Variants in SGCZ observed in about 807,000 individuals in gnomAD.
The protein encoded by SGCZ is sarcoglycan zeta, also known as zeta-sarcoglycan.
In SGCZ, 40 loss-of-function variants were observed where a neutral mutation model predicts 41.3. The observed-to-expected ratio is 0.97, with a 90% CI of 0.75 to 1.26. The LOEUF (loss-of-function observed/expected upper bound fraction) is 1.26. Among genes scored for constraint, SGCZ ranks in the 50% most tolerant of loss-of-function variants. The pLI is 0.00. For synonymous variants in SGCZ, 206 were observed against 137.5 expected (o/e 1.50, Z -3.49); for missense variants, 552 against 369.8 (o/e 1.49, Z -4.04).
chr8:14,501,861 C>T (rs1252152597), intron 2 of SGCZ, among the ~76,000 whole-genome samples: 1 of 151,826 alleles, frequency 6.6e-6, no homozygotes, highest in African/African-American at 2.4e-5. Context: ...TTTTAATATA[C>T]ATTTGCCAAT....
rs376090105 is a variant in SGCZ at position 15,069,120 on chromosome 8, T to G, written c.39+168465A>C. On this transcript the variant is annotated intron_variant, in intron 1 of 7. Transcript: ENST00000382080. ...TTAATAATCAAAGTCTTTATTCTTT[T>G]TACCTAAATTCAATGGATAGATTTT... Among the ~76,000 whole-genome samples, 51 of 152,356 alleles carry G rather than the reference T, an allele frequency of 3.3e-4. No individual in the cohort carries two copies. The South Asian group carries it at 0.011, about 32-fold the overall frequency.
chr8:14,418,247 A>G (rs997814420), intron 2 of SGCZ, among the ~76,000 whole-genome samples: 2 of 151,990 alleles, frequency 1.3e-5, no homozygotes, highest in South Asian at 4.1e-4. Context: ...GACTTGGGCT[A>G]TTAGAAGTTC....
intron 3 of SGCZ, among the ~76,000 whole-genome samples, chr8:14,245,213 T>A (rs184646121): frequency 1.3e-5 from 2 of 152,290 alleles, no homozygotes; most frequent in South Asian, 4.1e-4. Context: ...CCATTCAGTA[T>A]GATATTGACT....
chr8:15,050,450 T>C (rs1400706645), intron 1 of SGCZ, among the ~76,000 whole-genome samples: 1 of 152,148 alleles, frequency 6.6e-6, no homozygotes, highest in Non-Finnish European at 1.5e-5. Context: ...AGCTTAGGCA[T>C]AGGATCTATT....
At chr8:14,122,957 T>C (rs1029458235) in intron 5 of SGCZ, among the ~76,000 whole-genome samples, 1 of 152,172 alleles carries the variant, frequency 6.6e-6, no homozygotes, top group South Asian at 2.1e-4. Flanking sequence ...TAAATAGAAG[T>C]ATGTTGTAAT....
At chr8:14,327,812 C>A (rs532010673) in intron 2 of SGCZ, among the ~76,000 whole-genome samples, 6 of 152,286 alleles carry the variant, frequency 3.9e-5, no homozygotes, top group Middle Eastern at 3.4e-3. Context: ...GATGGAGTCT[C>A]GCTCTTTCGC....
chr8:14,513,754 T>C (rs922459944), intron 2 of SGCZ, among the ~76,000 whole-genome samples: 1 of 152,144 alleles, frequency 6.6e-6, no homozygotes, highest in Admixed American at 6.6e-5. Flanking sequence ...TCTTCTTGTT[T>C]GGCAACGTAT....
At chr8:14,235,921 G>T (rs1165853839) in intron 4 of SGCZ, among the ~76,000 whole-genome samples, 1 of 152,176 alleles carries the variant, frequency 6.6e-6, no homozygotes, top group Non-Finnish European at 1.5e-5. Context: ...TTGACCTCAT[G>T]ATCCGCCCGC....
intron 1 of SGCZ, among the ~76,000 whole-genome samples, chr8:15,095,060 T>G (rs900531402): frequency 6.6e-6 from 1 of 152,208 alleles, no homozygotes; most frequent in African/African-American, 2.4e-5. Flanking sequence ...AAAATTTTAA[T>G]GCTTCTATGT....
intron 1 of SGCZ, among the ~76,000 whole-genome samples, chr8:15,195,405 G>A (rs983403691): frequency 6.6e-6 from 1 of 152,168 alleles, no homozygotes; most frequent in Non-Finnish European, 1.5e-5. Flanking sequence ...TGCTGGCTCT[G>A]TTGATGCAGG....
chr8:14,959,737 G>A (rs144016933), intron 1 of SGCZ, among the ~76,000 whole-genome samples: 74 of 152,222 alleles, frequency 4.9e-4, no homozygotes, highest in African/African-American at 1.7e-3. Flanking sequence ...AATCGTTCAC[G>A]CTTTAATTCT....
intron 1 of SGCZ, among the ~76,000 whole-genome samples, chr8:14,982,426 C>A (rs891154512): frequency 1.3e-5 from 2 of 152,116 alleles, no homozygotes; most frequent in East Asian, 3.9e-4. Flanking sequence ...AATGAGATAA[C>A]ATATTTCTCA....
At chr8:15,232,641 A>G (rs1008819766) in intron 1 of SGCZ, among the ~76,000 whole-genome samples, 1 of 147,702 alleles carries the variant, frequency 6.8e-6, no homozygotes, top group Non-Finnish European at 1.5e-5. Flanking sequence ...ATGGGTATAT[A>G]TGTGTGTGTA....
At chr8:15,169,762 T>C (rs953917073) in intron 1 of SGCZ, among the ~76,000 whole-genome samples, 4 of 152,172 alleles carry the variant, frequency 2.6e-5, no homozygotes, top group Admixed American at 6.5e-5. Flanking sequence ...CAATTCCTTT[T>C]AGAAAGGTAC....
At chr8:14,443,961 A>G (rs1383901237) in intron 2 of SGCZ, among the ~76,000 whole-genome samples, 2 of 152,226 alleles carry the variant, frequency 1.3e-5, no homozygotes, top group African/African-American at 4.8e-5. Context: ...AAACAAATTT[A>G]CAAGAAACAA....
chr8:14,372,777 G>C (rs1464572756), intron 2 of SGCZ, among the ~76,000 whole-genome samples: 1 of 152,086 alleles, frequency 6.6e-6, no homozygotes, highest in Non-Finnish European at 1.5e-5. Flanking sequence ...AAGGAAACCA[G>C]TGGGAAATGA....
intron 2 of SGCZ, among the ~76,000 whole-genome samples, chr8:14,480,140 C>G (rs184720691): frequency 1.3e-5 from 2 of 152,308 alleles, no homozygotes; most frequent in Non-Finnish European, 2.9e-5. Context: ...GGCTTATATT[C>G]TTCTACTTCT....
At chr8:14,312,477 A>T (rs961906726) in intron 3 of SGCZ, among the ~76,000 whole-genome samples, 4 of 152,136 alleles carry the variant, frequency 2.6e-5, no homozygotes, top group African/African-American at 9.7e-5. Context: ...CATTATAAGA[A>T]ATAATACTGT....
At chr8:14,332,585 T>A (rs1373918020) in intron 2 of SGCZ, 1 of 151,446 alleles carries the variant, frequency 6.6e-6, no homozygotes, top group Non-Finnish European at 1.5e-5. Context: ...GTTATCTCAA[T>A]TGATTGTTCA....
Sources: gnomAD v4.1 joint callset for allele counts (sites outside exome capture counted in the v4.1 genomes callset) on GRCh38, gnomAD v4.1.1 for gene constraint, MANE v1.5 for transcripts, NCBI Gene and HGNC (gene_info 2026-07-23, HGNC 2026-07-21) for gene names.